PTK2: variants seen among roughly 807,000 people sequenced by gnomAD.
PTK2 encodes focal adhesion kinase 1.
A neutral mutation model predicts 150.1 loss-of-function variants in PTK2; 45 were observed. The ratio of observed to expected loss-of-function variants is 0.30; its 90% CI spans 0.24 to 0.38. The LOEUF is 0.38. Among genes scored for constraint, PTK2 ranks in the 10% least tolerant of loss-of-function variants. The pLI, the probability that PTK2 is intolerant of heterozygous loss-of-function variation, is 1.00. For missense variants in PTK2, 919 were observed against 1,307.3 expected, an observed-to-expected ratio of 0.70 and a Z score of 4.58; for synonymous variants, 432 against 449.2, an observed-to-expected ratio of 0.96 and a Z score of 0.48.
At chr8:140,959,629 C>A (rs551051631) in intron 1 of PTK2, among the ~76,000 whole-genome samples, 1 of 151,248 alleles carries the variant, frequency 6.6e-6, no homozygotes, top group Non-Finnish European at 1.5e-5. Flanking sequence ...CTTATATCTA[C>A]GTTTTTGATT....
chr8:140,846,117 G>T, intron 7 of PTK2, 143 bp downstream of exon 7: 1 of 605,558 alleles, frequency 1.7e-6, no homozygotes, highest in Non-Finnish European at 2.8e-6. Flanking sequence ...CACAATTAAT[G>T]TCATCAAGGA....
At chr8:140,980,162 G>T (rs1445402672) in intron 1 of PTK2, among the ~76,000 whole-genome samples, 1 of 152,216 alleles carries the variant, frequency 6.6e-6, no homozygotes, top group Non-Finnish European at 1.5e-5. Flanking sequence ...AGTACAGCAA[G>T]AGACTGCAAG....
chr8:140,913,812 A>C (rs956021740), intron 2 of PTK2, among the ~76,000 whole-genome samples: 2 of 152,228 alleles, frequency 1.3e-5, no homozygotes, highest in African/African-American at 4.8e-5. Context: ...TATTTAAAAA[A>C]GGAAAATATA....
chr8:140,971,731 G>C (rs1040207923), intron 1 of PTK2, among the ~76,000 whole-genome samples: 1 of 152,190 alleles, frequency 6.6e-6, no homozygotes, highest in African/African-American at 2.4e-5. Flanking sequence ...TCTCGTATGT[G>C]AAAGTTAAAA....
chr8:140,827,580 C>G (rs1166536547), intron 8 of PTK2, among the ~76,000 whole-genome samples: 1 of 152,042 alleles, frequency 6.6e-6, no homozygotes, highest in Non-Finnish European at 1.5e-5. Context: ...GAAGGCATAA[C>G]CAAGGAAAGA....
intron 1 of PTK2, among the ~76,000 whole-genome samples, chr8:140,997,814 G>A (rs553647471): frequency 6.6e-5 from 10 of 152,096 alleles, no homozygotes. Context: ...TGGTATGCAC[G>A]TATAGTGCCA....
rs575572788 is a variant in PTK2, at chr8:140,751,652, C to T, written c.1417+580G>A. On this transcript the variant is annotated intron_variant, in intron 17 of 31. Transcript: ENST00000522684. The stretch of plus-strand genomic sequence containing the variant: ...GACTACAGGTGCGTGCCACTATGCA[C>T]GGCTAATTTTTTGTATTTTTAGTAG... 4.8e-4 allele frequency among the ~76,000 whole-genome samples: 73 copies of T among 152,142 alleles called. 1 individual carries two copies. Among genetic ancestry groups the T allele is most frequent in the Middle Eastern group, 3.4e-3 (1 of 292 alleles).
At chr8:140,814,430 G>C (rs2100103462) in intron 10 of PTK2, among the ~76,000 whole-genome samples, 1 of 152,124 alleles carries the variant, frequency 6.6e-6, no homozygotes, top group Admixed American at 6.5e-5. Context: ...ACCAAACCCA[G>C]CAGTGGCACA....
chr8:140,674,645 A>C (rs1293246017), intron 28 of PTK2, among the ~76,000 whole-genome samples: 1 of 152,144 alleles, frequency 6.6e-6, no homozygotes, highest in Non-Finnish European at 1.5e-5. Context: ...AGGCTGAGGC[A>C]GGAGAATCGC....
rs916640105 is a variant in PTK2, at chr8:140,931,752, T to C, written c.-121-6003A>G. ...GAGTTCGAGACCAGCCTAGGCAACA[T>C]AGTGAGACCCCCATCTCTACAAAAA... is the stretch of plus-strand genomic sequence containing the variant. On this transcript the variant is annotated intron_variant, in intron 1 of 31. Transcript: ENST00000522684. 7.9e-5 allele frequency among the ~76,000 whole-genome samples: 12 copies of C among 151,406 alleles called. No individual in the cohort carries two copies. In the South Asian group the frequency reaches 8.4e-4, roughly 11 times the overall value.
intron 14 of PTK2, among the ~76,000 whole-genome samples, chr8:140,768,690 T>C (rs913775494): frequency 2.0e-5 from 3 of 152,158 alleles, no homozygotes; most frequent in Admixed American, 2.0e-4. Context: ...AGGAATCAAG[T>C]CAGTAAAGTG....
intron 16 of PTK2, among the ~76,000 whole-genome samples, chr8:140,759,582 C>T (rs1465940101): frequency 6.7e-6 from 1 of 149,160 alleles, no homozygotes; most frequent in Non-Finnish European, 1.5e-5. Context: ...AGTTGGCTGG[C>T]TCAGTGGCTC....
At chr8:140,796,681 G>A (rs771179484) in intron 12 of PTK2, among the ~76,000 whole-genome samples, 1 of 152,256 alleles carries the variant, frequency 6.6e-6, no homozygotes, top group South Asian at 2.1e-4. Flanking sequence ...ACAGAAAAAT[G>A]GCAACAGACA....
At position 140,926,167 on chromosome 8, in the gene PTK2, C is replaced by T. The variant is rs1251182520; in HGVS notation, c.-121-418G>A. ...GTCCATGTACTTCACCAATTTGCTG[C>T]AGTGCTTTACATCTATTTTCTCAAT... On this transcript the variant is annotated intron_variant, in intron 1 of 31. Transcript: ENST00000522684. Among the ~76,000 whole-genome samples, 7 of 152,224 alleles carry T rather than the reference C, an allele frequency of 4.6e-5. No homozygotes were observed. In the South Asian group the frequency reaches 1.4e-3, roughly 32 times the overall value.
chr8:140,780,827 G>A (rs1264511123), intron 14 of PTK2, among the ~76,000 whole-genome samples: 1 of 152,194 alleles, frequency 6.6e-6, no homozygotes, highest in East Asian at 1.9e-4. Flanking sequence ...GGGATTATGT[G>A]TGTATGTAAG....
chr8:140,850,782 C>G (rs1279266988), intron 5 of PTK2, among the ~76,000 whole-genome samples: 1 of 152,028 alleles, frequency 6.6e-6, no homozygotes, highest in Non-Finnish European at 1.5e-5. Context: ...TTTCTTTGTG[C>G]AAGTATTGTA....
chr8:140,873,863 T>C (rs1394319735), intron 4 of PTK2, among the ~76,000 whole-genome samples: 1 of 152,220 alleles, frequency 6.6e-6, no homozygotes, highest in Non-Finnish European at 1.5e-5. Context: ...TCTTGTACTT[T>C]CAAAATATAT....
intron 8 of PTK2, among the ~76,000 whole-genome samples, chr8:140,824,323 C>T (rs1005170748): frequency 6.6e-5 from 10 of 152,154 alleles, no homozygotes; most frequent in African/African-American, 2.2e-4. Context: ...TTTCTGTAGG[C>T]GGTGTTACCT....
chr8:140,766,702 A>G (rs1387904845), intron 14 of PTK2, among the ~76,000 whole-genome samples: 3 of 152,160 alleles, frequency 2.0e-5, no homozygotes, highest in Non-Finnish European at 4.4e-5. Flanking sequence ...CTATACCCCT[A>G]AGAAACTGAG....
Sources: allele counts gnomAD v4.1 joint callset (sites outside exome capture counted in the v4.1 genomes callset), GRCh38; gene constraint gnomAD v4.1.1; transcripts MANE v1.5; gene names NCBI Gene and HGNC (gene_info 2026-07-23, HGNC 2026-07-21).